SNX29: variants seen among roughly 807,000 people sequenced by gnomAD.
The protein encoded by SNX29 is sorting nexin 29.
Under a neutral mutation model 102.1 loss-of-function variants are expected in SNX29, and 78 were observed. The ratio of observed to expected loss-of-function variants is 0.76; its 90% CI spans 0.64 to 0.92. SNX29 has a LOEUF of 0.92. SNX29 is among the 40% of genes least tolerant of loss of function. The probability of loss-of-function intolerance (pLI) is 0.00; values close to 1 mark genes in which losing one functional copy is unlikely to be tolerated. For synonymous variants in SNX29, 580 were observed against 414.5 expected (o/e 1.40, Z -4.85); for missense variants, 1,280 against 1,061.7 (o/e 1.21, Z -2.86).
chr16:12,293,637 C>A (rs574683095), intron 15 of SNX29, among the ~76,000 whole-genome samples: 1 of 152,330 alleles, frequency 6.6e-6, no homozygotes, highest in African/African-American at 2.4e-5. Context: ...TTTAGCTCAA[C>A]TAATAGCGTG....
chr16:12,410,257 G>A (rs1474636500), intron 18 of SNX29, among the ~76,000 whole-genome samples: 2 of 152,200 alleles, frequency 1.3e-5, no homozygotes, highest in African/African-American at 4.8e-5. Context: ...ACCTCCCAAA[G>A]TGCTGGGATT....
intron 18 of SNX29, among the ~76,000 whole-genome samples, chr16:12,405,963 C>T (rs2084143385): frequency 6.6e-6 from 1 of 151,524 alleles, no homozygotes; most frequent in South Asian, 2.1e-4. Flanking sequence ...ACCCAGGAGG[C>T]AGAGATTGCA....
At chr16:12,249,953 T>G (rs1255855908) in intron 14 of SNX29, among the ~76,000 whole-genome samples, 1 of 152,182 alleles carries the variant, frequency 6.6e-6, no homozygotes, top group Non-Finnish European at 1.5e-5. Flanking sequence ...AATCCCTTCC[T>G]GGAGTTGGCA....
intron 18 of SNX29, among the ~76,000 whole-genome samples, chr16:12,445,553 C>A (rs11075078): frequency 6.6e-6 from 1 of 151,958 alleles, no homozygotes; most frequent in African/African-American, 2.4e-5. Flanking sequence ...GACTGGCTGG[C>A]TGAATGAATG....
At chr16:12,076,229 C>A (rs1330636045) in intron 10 of SNX29, among the ~76,000 whole-genome samples, 1 of 152,154 alleles carries the variant, frequency 6.6e-6, no homozygotes, top group Non-Finnish European at 1.5e-5. Context: ...ATGCAGAAAT[C>A]ACCCATCTTC....
At chr16:12,052,980 C>G (rs986941528) in intron 8 of SNX29, 22 of 152,470 alleles carry the variant, frequency 1.4e-4, no homozygotes, top group African/African-American at 5.3e-4. Flanking sequence ...CCGTAACTTG[C>G]CTGCACCTGC....
intron 16 of SNX29, chr16:12,372,720 A>C (rs2082728570): frequency 6.6e-6 from 1 of 152,174 alleles, no homozygotes; most frequent in African/African-American, 2.4e-5. Flanking sequence ...GTTTGACTTG[A>C]GTTTTTAAGG....
chr16:12,118,624 A>G (rs2053841141), intron 11 of SNX29, among the ~76,000 whole-genome samples: 2 of 151,970 alleles, frequency 1.3e-5, no homozygotes, highest in African/African-American at 4.8e-5. Flanking sequence ...CCTAGAGACC[A>G]CCTTTTGATG....
chr16:12,122,843 T>C (rs1382650313), intron 11 of SNX29, among the ~76,000 whole-genome samples: 1 of 152,172 alleles, frequency 6.6e-6, no homozygotes, highest in Non-Finnish European at 1.5e-5. Context: ...AAATTTTTTT[T>C]CTAGGCGGAG....
chr16:12,562,979 G>A (rs2078815044), intron 20 of SNX29, among the ~76,000 whole-genome samples: 1 of 152,106 alleles, frequency 6.6e-6, no homozygotes, highest in Admixed American at 6.5e-5. Flanking sequence ...GGTGAGGGCT[G>A]ATGCGTAAGA....
At chr16:12,404,738 T>G (rs1014764583) in intron 18 of SNX29, among the ~76,000 whole-genome samples, 1 of 152,058 alleles carries the variant, frequency 6.6e-6, no homozygotes, top group Non-Finnish European at 1.5e-5. Flanking sequence ...CTTAGATGAG[T>G]CTTAGTTTCT....
Position 12,096,511 on chromosome 16 carries a change from A to G in SNX29, c.1402+17596A>G, listed in dbSNP as rs375474742. ...GTGAGGACTAAATGAGTTCATACAC[A>G]GAGAGTGCTTTGACATTGCGCTCAG... On this transcript the variant is annotated intron_variant, in intron 11 of 20. Coordinates refer to ENST00000566228, the MANE Select transcript of SNX29 (RefSeq NM_032167.5). This position sits in a 1 kb window ranked among gnomAD's most constrained non-coding sequence, Gnocchi z 4.2. Among the ~76,000 whole-genome samples, 2 of 152,340 alleles carry G rather than the reference A, an allele frequency of 1.3e-5. No individual in the cohort carries two copies. The highest frequency in any genetic ancestry group is 3.9e-4 in the East Asian group (2 of 5,186).
intron 20 of SNX29, among the ~76,000 whole-genome samples, chr16:12,539,488 A>G (rs1355860961): frequency 5.3e-5 from 8 of 152,210 alleles, no homozygotes; most frequent in Non-Finnish European, 1.0e-4. Flanking sequence ...TCTAGTCATA[A>G]AGGAATAAAG....
intron 3 of SNX29, among the ~76,000 whole-genome samples, chr16:12,022,337 A>G (rs1346118523): frequency 2.0e-5 from 3 of 151,696 alleles, no homozygotes; most frequent in Non-Finnish European, 4.4e-5. Context: ...AGTAGCTGGG[A>G]TTACAGGAGC....
chr16:12,068,962 T>C, intron 9 of SNX29, 95 bp from the exon 10 acceptor site: 1 of 1,162,302 alleles, frequency 8.6e-7, no homozygotes. Context: ...TCAAGTGATG[T>C]AGCAGATGAG....
chr16:12,501,269 T>C (rs1453729568), intron 19 of SNX29, among the ~76,000 whole-genome samples: 2 of 151,974 alleles, frequency 1.3e-5, no homozygotes, highest in African/African-American at 4.8e-5. Flanking sequence ...CTGGGTGTGG[T>C]GGTGTGCCCC....
At chr16:12,515,567 C>G (rs774652570) in intron 19 of SNX29, 1 of 492,196 alleles carries the variant, frequency 2.0e-6, no homozygotes, top group South Asian at 1.5e-5. Context: ...TCTCTGCTTC[C>G]TGCATTGCCT....
intron 14 of SNX29, among the ~76,000 whole-genome samples, chr16:12,203,033 G>A (rs960199896): frequency 6.6e-6 from 1 of 151,576 alleles, no homozygotes; most frequent in Admixed American, 6.6e-5. Flanking sequence ...AAGTTGCGTA[G>A]CATGGCCCTG....
intron 14 of SNX29, among the ~76,000 whole-genome samples, chr16:12,259,452 G>A (rs2078669603): frequency 6.6e-6 from 1 of 152,104 alleles, no homozygotes; most frequent in Non-Finnish European, 1.5e-5. Context: ...GGGTGAGGGG[G>A]ATGCTGGGAT....
Sources: gnomAD v4.1 joint callset for allele counts (sites outside exome capture counted in the v4.1 genomes callset) on GRCh38, gnomAD v4.1.1 for gene constraint, Gnocchi (gnomAD v3.1) non-coding constraint, MANE v1.5 for transcripts, NCBI Gene and HGNC (gene_info 2026-07-23, HGNC 2026-07-21) for gene names.